The following SPACDR variants were observed in gnomAD, a reference collection of about 807,000 sequenced individuals.
The protein encoded by SPACDR is uncharacterized protein C7orf61.
the SPACDR span, among the ~76,000 whole-genome samples, chr7:100,457,841 G>GTGTGTGTGTGTGTGTGTGTGTA: frequency 3.5e-5 from 3 of 85,076 alleles, no homozygotes; most frequent in East Asian, 4.0e-4. Context: ...GTGTGTGTGT[G>GTGTGTGTGTGTGTGTGTGTGTA]TATATATATA....
At chr7:100,462,337 C>T in the SPACDR span, among the ~76,000 whole-genome samples, 1 of 151,826 alleles carries the variant, frequency 6.6e-6, no homozygotes, top group Non-Finnish European at 1.5e-5. Context: ...CCTCAGCCTC[C>T]TGAGTAGCTG....
the SPACDR span, among the ~76,000 whole-genome samples, chr7:100,457,453 G>A: frequency 6.6e-6 from 1 of 150,746 alleles, no homozygotes; most frequent in Non-Finnish European, 1.5e-5. Flanking sequence ...TGAGTAGCTG[G>A]GATTACAGGT....
chr7:100,457,095 C>A, the SPACDR span: 1 of 680,212 alleles, frequency 1.5e-6, no homozygotes. Flanking sequence ...TCCACCTCTC[C>A]CATCAGCCCA....
At chr7:100,456,897 T>C in the SPACDR span, 2 of 1,613,662 alleles carry the variant, frequency 1.2e-6, no homozygotes, top group Middle Eastern at 1.6e-4. Flanking sequence ...CAGCACCAGG[T>C]ACACCTCCCA....
the SPACDR span, among the ~76,000 whole-genome samples, chr7:100,460,695 G>C: frequency 6.6e-6 from 1 of 151,606 alleles, no homozygotes; most frequent in Non-Finnish European, 1.5e-5. Flanking sequence ...CTGCCACCCA[G>C]GTTGGAGTGC....
the SPACDR span, among the ~76,000 whole-genome samples, chr7:100,458,854 G>GA: frequency 2.6e-5 from 4 of 152,074 alleles, no homozygotes; most frequent in South Asian, 6.2e-4. Context: ...TTGAAGCTGG[G>GA]AGGCGGAGGT....
At chr7:100,459,000 C>G in the SPACDR span, among the ~76,000 whole-genome samples, 2 of 149,378 alleles carry the variant, frequency 1.3e-5, no homozygotes, top group African/African-American at 2.5e-5. Context: ...GTCCTTTTTA[C>G]CTTTTTTTTT....
chr7:100,458,179 T>G, the SPACDR span, among the ~76,000 whole-genome samples: 3 of 146,866 alleles, frequency 2.0e-5, no homozygotes, highest in African/African-American at 5.1e-5. Flanking sequence ...TTTCCCCAGT[T>G]GTACTTGTAC....
At chr7:100,457,618 C>CT in the SPACDR span, among the ~76,000 whole-genome samples, 14,964 of 93,516 alleles carry the variant, frequency 0.16, 2,058 homozygotes, top group Non-Finnish European at 0.2. Flanking sequence ...CATGCCTGGC[C>CT]TTTTTTTTTT....
chr7:100,456,710 G>GT, the SPACDR span: 1 of 1,338,558 alleles, frequency 7.5e-7, no homozygotes, highest in Non-Finnish European at 1.0e-6. Flanking sequence ...GGGACCCCAG[G>GT]TAAGAGTGAG....
At chr7:100,463,979 T>C in the SPACDR span, 26 of 1,607,746 alleles carry the variant, frequency 1.6e-5, no homozygotes, top group Non-Finnish European at 2.1e-5. Context: ...AATAATCCTT[T>C]GCCAAGCCCG....
At chr7:100,459,469 T>C in the SPACDR span, among the ~76,000 whole-genome samples, 208 of 151,876 alleles carry the variant, frequency 1.4e-3, 2 homozygotes, top group East Asian at 0.025. Context: ...TTTGTATTTT[T>C]AGTAGATACA....
the SPACDR span, among the ~76,000 whole-genome samples, chr7:100,458,700 T>A: frequency 6.6e-6 from 1 of 152,096 alleles, no homozygotes; most frequent in Non-Finnish European, 1.5e-5. Context: ...CCAAGGTGGG[T>A]GGATCACCTG....
the SPACDR span, among the ~76,000 whole-genome samples, chr7:100,460,080 G>A: frequency 9.2e-5 from 14 of 151,720 alleles, no homozygotes; most frequent in Admixed American, 6.6e-4. Context: ...TAGTACAGAC[G>A]GGGTTTCACT....
chr7:100,463,007 G>A, the SPACDR span, among the ~76,000 whole-genome samples: 8 of 150,916 alleles, frequency 5.3e-5, no homozygotes, highest in Admixed American at 5.3e-4. Context: ...GGGAGGCTGA[G>A]CCAGGAGAAT....
the SPACDR span, among the ~76,000 whole-genome samples, chr7:100,457,857 A>ATAT: frequency 1.7e-4 from 15 of 88,328 alleles, no homozygotes; most frequent in African/African-American, 7.3e-4. Context: ...ATATATATAT[A>ATAT]TTTTTTTTTT....
the SPACDR span, among the ~76,000 whole-genome samples, chr7:100,457,919 A>G: frequency 6.8e-6 from 1 of 146,402 alleles, no homozygotes; most frequent in African/African-American, 2.5e-5. Flanking sequence ...CCTGAGCTCA[A>G]GTGATCCACC....
At chr7:100,461,452 A>AT in the SPACDR span, among the ~76,000 whole-genome samples, 1 of 150,248 alleles carries the variant, frequency 6.7e-6, no homozygotes, top group African/African-American at 2.5e-5. Context: ...TTATTTTTGT[A>AT]TTTTTTGTAG....
the SPACDR span, chr7:100,463,849 C>T: frequency 5.9e-6 from 8 of 1,346,396 alleles, no homozygotes; most frequent in Middle Eastern, 3.6e-4. Context: ...CCTCCCCACT[C>T]CATCTTGTTT....
Sources: gnomAD v4.1 joint callset for allele counts (sites outside exome capture counted in the v4.1 genomes callset) on GRCh38, gnomAD v4.1.1 for gene constraint, MANE v1.5 for transcripts, NCBI Gene and HGNC (gene_info 2026-07-23, HGNC 2026-07-21) for gene names.